SEC14L1: variants seen among roughly 807,000 people sequenced by gnomAD.
SEC14L1 encodes the protein SEC14 like lipid binding 1.
A neutral mutation model predicts 85.3 loss-of-function variants in SEC14L1; 48 were observed. The observed-to-expected ratio is 0.56, with a 90% confidence interval of 0.45 to 0.72. The LOEUF is 0.72. Among genes scored for constraint, SEC14L1 ranks in the 30% least tolerant of loss-of-function variants. SEC14L1 has a pLI of 0.00. For missense variants in SEC14L1, 682 were observed against 921.4 expected, an observed-to-expected ratio of 0.74 and a Z score of 3.36; for synonymous variants, 391 against 355.5, an observed-to-expected ratio of 1.10 and a Z score of -1.12.
chr17:77,183,714 A>G (rs1468472138), intron 3 of SEC14L1, among the ~76,000 whole-genome samples: 1 of 152,224 alleles, frequency 6.6e-6, no homozygotes, highest in Admixed American at 6.5e-5. Context: ...AGATGTTTCG[A>G]TAGCTATTTT....
chr17:77,135,680 G>A (rs1215766618), intron 3 of SEC14L1, among the ~76,000 whole-genome samples: 2 of 151,916 alleles, frequency 1.3e-5, no homozygotes, highest in African/African-American at 4.8e-5. Context: ...AGGACTACAG[G>A]CATGTACCAC....
intron 3 of SEC14L1, among the ~76,000 whole-genome samples, chr17:77,146,382 A>C (rs1225757580): frequency 6.6e-6 from 1 of 152,192 alleles, no homozygotes; most frequent in Admixed American, 6.5e-5. Context: ...TAGATTTAAT[A>C]AAAGAGGAGG....
chr17:77,174,936 A>G (rs1974683896), intron 3 of SEC14L1, among the ~76,000 whole-genome samples: 1 of 152,202 alleles, frequency 6.6e-6, no homozygotes, highest in South Asian at 2.1e-4. Flanking sequence ...CTAGGATTGG[A>G]CTGTACAATC....
At chr17:77,106,779 G>T (rs924186087) in intron 3 of SEC14L1, among the ~76,000 whole-genome samples, 2 of 152,152 alleles carry the variant, frequency 1.3e-5, no homozygotes, top group Non-Finnish European at 2.9e-5. Context: ...TGAGGCTGCA[G>T]TGAGCCCTGG....
rs1976972357 is a variant in SEC14L1, at chr17:77,215,084, G to A, written c.*1061G>A. Reference sequence around the variant, plus strand: ...ATGCGTGTGTGTGTGTGCATGTGCTGTGTGTGTGCATGTGTGCATGACGGT... The same window carrying A: ...ATGCGTGTGTGTGTGTGCATGTGCTATGTGTGTGCATGTGTGCATGACGGT... On this transcript the variant is annotated 3_prime_UTR_variant, in exon 17 of 17. Transcript: ENST00000436233. 5 of 985,528 alleles carry A rather than the reference G, an allele frequency of 5.1e-6. No homozygotes were observed. The highest frequency in any genetic ancestry group is 5.2e-4 in the Middle Eastern group (1 of 1,928). 61.0% of individuals were successfully genotyped at this position (985,528 alleles called of 1,614,324 possible).
chr17:77,192,546 G>A (rs1043053504), intron 5 of SEC14L1, among the ~76,000 whole-genome samples: 13 of 152,206 alleles, frequency 8.5e-5, no homozygotes, highest in African/African-American at 2.6e-4. Flanking sequence ...TCGCTGTGCC[G>A]TGCTATTCTT....
At chr17:77,191,785 C>T (rs1449732399) in intron 5 of SEC14L1, among the ~76,000 whole-genome samples, 3 of 146,024 alleles carry the variant, frequency 2.1e-5, no homozygotes, top group Non-Finnish European at 4.5e-5. Flanking sequence ...TCACGTGATC[C>T]ACCCCTTGGC....
chr17:77,206,717 C>T lies in SEC14L1; in HGVS notation c.1342-11C>T, dbSNP rs1372305139. 3.1e-6 allele frequency: 5 copies of T among 1,589,772 alleles called. No individual in the cohort carries two copies. The highest frequency in any genetic ancestry group is 2.3e-5 in the South Asian group (2 of 86,586). On this transcript the variant is annotated splice_polypyrimidine_tract_variant and intron_variant, in intron 12 of 16. Transcript: ENST00000436233. The surrounding 1 kb of genome is among the most constrained non-coding windows in gnomAD (Gnocchi z 4.3). ...GAGAAATATGACTGCATGGTCTTCT[C>T]CTCCTCACAGGTTAGTCCGTTCATT...
intron 3 of SEC14L1, among the ~76,000 whole-genome samples, chr17:77,128,436 T>C (rs1972516489): frequency 5.3e-5 from 5 of 94,810 alleles, no homozygotes; most frequent in Non-Finnish European, 1.2e-4. Flanking sequence ...TTTTATTTTA[T>C]TTTATTTTAT....
chr17:77,193,375 T>A, intron 5 of SEC14L1, 46 bp from the exon 6 acceptor site: 1 of 1,542,232 alleles, frequency 6.5e-7, no homozygotes, highest in Non-Finnish European at 8.8e-7. Flanking sequence ...CAGATGATAT[T>A]CTGTTGTCAA....
chr17:77,131,264 T>G (rs1972601718), intron 3 of SEC14L1, among the ~76,000 whole-genome samples: 1 of 152,178 alleles, frequency 6.6e-6, no homozygotes, highest in South Asian at 2.1e-4. Context: ...ATCTGCTTTT[T>G]TGTAGTGGAT....
At chr17:77,176,497 A>G (rs1974765158) in intron 3 of SEC14L1, among the ~76,000 whole-genome samples, 1 of 152,202 alleles carries the variant, frequency 6.6e-6, no homozygotes, top group African/African-American at 2.4e-5. Flanking sequence ...TCCTGCCTCT[A>G]TCAGTATGTT....
Position 77,213,065 on chromosome 17 carries a change from C to T in SEC14L1, c.1864-249C>T, listed in dbSNP as rs558687743. Among the ~76,000 whole-genome samples the T allele has an allele frequency of 3.5e-4, 53 of 152,356 alleles. No individual in the cohort carries two copies. The highest frequency in any genetic ancestry group is 1.3e-3 in the African/African-American group (52 of 41,594). ...TAGGTGGGGTGGGCTGGGCAGGCCTCGTGAGGGCCACGGACATGGAGCTTG... is the reference window on the plus strand; with the variant it reads ...TAGGTGGGGTGGGCTGGGCAGGCCTTGTGAGGGCCACGGACATGGAGCTTG... On this transcript the variant is annotated intron_variant, in intron 15 of 16. Transcript: ENST00000436233. The surrounding 1 kb of genome is among the most constrained non-coding windows in gnomAD (Gnocchi z 7.1).
chr17:77,212,181 A>C lies in SEC14L1; in HGVS notation c.1843A>C (p.Lys615Gln), dbSNP rs771941198. 5 of 1,613,714 alleles carry C rather than the reference A, an allele frequency of 3.1e-6. No homozygotes were observed. The highest frequency in any genetic ancestry group is 4.2e-6 in the Non-Finnish European group (5 of 1,180,018). Residue 615 changes from lysine (K) to glutamine (Q), a missense_variant, in exon 15 of 17, where the codon AAA becomes CAA. Physicochemically the swap from Lys to Gln is moderately conservative, Grantham distance 53. Transcript: ENST00000436233. ...YSMVESPLIC[K>Q]EGESVQGSHV... ...CATGGTGGAGTCGCCTCTGATCTGC[A>C]AAGAAGGAGAAAGCGTGCAGGTAAA... is the stretch of plus-strand genomic sequence containing the variant.
At chr17:77,120,655 T>C (rs1972273940) in intron 3 of SEC14L1, among the ~76,000 whole-genome samples, 2 of 152,176 alleles carry the variant, frequency 1.3e-5, no homozygotes, top group African/African-American at 4.8e-5. Context: ...TTTTGTATTT[T>C]GAGTAGAGGT....
chr17:77,185,659 A>G (rs1402115840), intron 3 of SEC14L1, among the ~76,000 whole-genome samples: 1 of 152,180 alleles, frequency 6.6e-6, no homozygotes, highest in Non-Finnish European at 1.5e-5. Context: ...ATTTCTTGGT[A>G]CGTCACAGTA....
chr17:77,203,476 A>G, intron 9 of SEC14L1, 94 bp from the exon 10 acceptor site: 1 of 1,087,528 alleles, frequency 9.2e-7, no homozygotes, highest in Non-Finnish European at 1.4e-6. Context: ...CCTAGAACAC[A>G]GGCGAACACA....
chr17:77,114,642 C>G (rs1453413594), intron 3 of SEC14L1, among the ~76,000 whole-genome samples: 1 of 151,244 alleles, frequency 6.6e-6, no homozygotes, highest in Non-Finnish European at 1.5e-5. Flanking sequence ...CGAGACCAGC[C>G]TGGCCAACAT....
rs149741354 is a variant in SEC14L1 at position 77,183,560 on chromosome 17, G to A, written c.64-7243G>A. ...GGGAGTATCGCTTGAGCCAGGAGGC[G>A]GAGGATGCAGTGAGCCAAGACTGTG... On this transcript the variant is annotated intron_variant, in intron 3 of 16. Coordinates refer to ENST00000436233, the MANE Select transcript of SEC14L1 (RefSeq NM_001143998.2). Among the ~76,000 whole-genome samples the A allele has an allele frequency of 1.1e-3, 169 of 152,274 alleles. 1 individual carries two copies. The highest frequency in any genetic ancestry group is 3.4e-3 in the African/African-American group (141 of 41,566).
Sources: gnomAD v4.1 joint callset for allele counts (sites outside exome capture counted in the v4.1 genomes callset) on GRCh38, gnomAD v4.1.1 for gene constraint, Gnocchi (gnomAD v3.1) non-coding constraint, MANE v1.5 for transcripts, NCBI Gene and HGNC (gene_info 2026-07-23, HGNC 2026-07-21) for gene names.